Variants in EXOC6B observed in about 807,000 individuals in gnomAD.
EXOC6B encodes the protein SEC15 homolog B.
EXOC6B carries 54 observed loss-of-function variants against 113.5 expected under a neutral mutation model. The observed-to-expected ratio is 0.48, with a 90% CI of 0.38 to 0.60. EXOC6B has a LOEUF of 0.60. EXOC6B is among the 20% of genes least tolerant of loss of function. EXOC6B has a pLI of 0.00. For missense variants in EXOC6B, 797 were observed against 977.5 expected (o/e 0.82, Z 2.46); for synonymous variants, 357 against 339.0 (o/e 1.05, Z -0.58).
chr2:72,216,831 C>G (rs1390241571), intron 20 of EXOC6B, among the ~76,000 whole-genome samples: 1 of 152,026 alleles, frequency 6.6e-6, no homozygotes, highest in Non-Finnish European at 1.5e-5. Context: ...TGTTCTCATT[C>G]ATAAGTGGGA....
At chr2:72,624,591 A>T (rs1671937682) in intron 6 of EXOC6B, among the ~76,000 whole-genome samples, 1 of 152,138 alleles carries the variant, frequency 6.6e-6, no homozygotes, top group Non-Finnish European at 1.5e-5. Context: ...AAGAATTTTT[A>T]AAAATTTAGC....
chr2:72,501,360 A>C (rs1700312077), intron 11 of EXOC6B, among the ~76,000 whole-genome samples: 1 of 152,060 alleles, frequency 6.6e-6, no homozygotes, highest in South Asian at 2.1e-4. Flanking sequence ...AATGTGACAC[A>C]CTAACTCCCC....
intron 20 of EXOC6B, among the ~76,000 whole-genome samples, chr2:72,261,260 T>C (rs1157108151): frequency 6.6e-6 from 1 of 152,158 alleles, no homozygotes; most frequent in Non-Finnish European, 1.5e-5. Context: ...AAGAACATGG[T>C]TGGAGCACCC....
intron 1 of EXOC6B, among the ~76,000 whole-genome samples, chr2:72,750,353 T>A (rs1202053909): frequency 6.6e-6 from 1 of 152,056 alleles, no homozygotes; most frequent in African/African-American, 2.4e-5. Context: ...TTGGATACAC[T>A]GTGAAAAACA....
chr2:72,820,667 A>T (rs1686531345), intron 1 of EXOC6B, among the ~76,000 whole-genome samples: 1 of 152,168 alleles, frequency 6.6e-6, no homozygotes, highest in African/African-American at 2.4e-5. Context: ...CATTTCTGCC[A>T]CAAATAAGGA....
intron 6 of EXOC6B, among the ~76,000 whole-genome samples, chr2:72,613,028 T>A (rs1258366349): frequency 1.3e-5 from 2 of 152,164 alleles, no homozygotes; most frequent in East Asian, 3.8e-4. Flanking sequence ...GAGAGAGGAA[T>A]CATTGCATCA....
At chr2:72,533,044 GAAGGTCTCCCTTAAGAGGGT>G (rs888130344) in intron 8 of EXOC6B, among the ~76,000 whole-genome samples, 1 of 152,112 alleles carries the variant, frequency 6.6e-6, no homozygotes, top group African/African-American at 2.4e-5. Flanking sequence ...TCAAATATCT[GAAGGTCTCCCTTAAGAGGGT>G]ACTAAAGCAA....
At chr2:72,319,473 G>A (rs577961065) in intron 20 of EXOC6B, among the ~76,000 whole-genome samples, 3 of 152,222 alleles carry the variant, frequency 2.0e-5, no homozygotes, top group African/African-American at 7.2e-5. Flanking sequence ...CACAGATGCT[G>A]TAATTGTCCA....
chr2:72,603,140 G>A (rs1378041258), intron 6 of EXOC6B, among the ~76,000 whole-genome samples: 1 of 151,082 alleles, frequency 6.6e-6, no homozygotes, highest in East Asian at 1.9e-4. Flanking sequence ...AATATCAATG[G>A]CCTTTTAAGC....
chr2:72,196,301 A>T (rs992714885), intron 20 of EXOC6B, among the ~76,000 whole-genome samples: 12 of 152,206 alleles, frequency 7.9e-5, no homozygotes, highest in Non-Finnish European at 1.5e-4. Context: ...TATGATAGGC[A>T]GAAGAAAAAA....
At chr2:72,316,649 A>C (rs1687530585) in intron 20 of EXOC6B, among the ~76,000 whole-genome samples, 1 of 152,226 alleles carries the variant, frequency 6.6e-6, no homozygotes, top group African/African-American at 2.4e-5. Context: ...TTCAGCAAGC[A>C]ATTATGAAAT....
chr2:72,252,292 C>CGT lies in EXOC6B; in HGVS notation c.2197-68107_2197-68106dup, dbSNP rs55983315. On this transcript the variant is annotated intron_variant, in intron 20 of 21. Coordinates refer to ENST00000272427, the MANE Select transcript of EXOC6B (RefSeq NM_015189.3). ...ATTGCCTATGTAAACATTCTTCACA[C>CGT]GTGTGTGTGTGTGTGTTTGGGGGCT... Among the ~76,000 whole-genome samples, 125 of 151,410 alleles carry CGT rather than the reference C, an allele frequency of 8.3e-4. 1 individual carries two copies. Among genetic ancestry groups the CGT allele is most frequent in the Middle Eastern group, 3.4e-3 (1 of 292 alleles).
At chr2:72,516,748 C>T (rs1407801139) in intron 8 of EXOC6B, among the ~76,000 whole-genome samples, 1 of 152,150 alleles carries the variant, frequency 6.6e-6, no homozygotes, top group Non-Finnish European at 1.5e-5. Context: ...TTAACTTTCA[C>T]TAATAAGTGT....
At chr2:72,484,355 A>T (rs1448702127) in intron 16 of EXOC6B, among the ~76,000 whole-genome samples, 1 of 151,138 alleles carries the variant, frequency 6.6e-6, no homozygotes, top group Admixed American at 6.6e-5. Flanking sequence ...TCAGGAGATC[A>T]AGACCATCCT....
intron 8 of EXOC6B, among the ~76,000 whole-genome samples, chr2:72,528,952 T>C (rs1041044717): frequency 6.6e-6 from 1 of 152,120 alleles, no homozygotes; most frequent in Admixed American, 6.6e-5. Flanking sequence ...ACTGGATTCT[T>C]GAGGATTTTC....
At chr2:72,748,408 G>A (rs1347093330) in intron 1 of EXOC6B, among the ~76,000 whole-genome samples, 4 of 152,014 alleles carry the variant, frequency 2.6e-5, no homozygotes, top group Admixed American at 2.6e-4. Flanking sequence ...GTCAAAAGGA[G>A]TTTAAAGTCC....
chr2:72,369,371 G>C lies in EXOC6B; in HGVS notation c.2122+10358C>G, dbSNP rs374562072. The stretch of plus-strand genomic sequence containing the variant: ...TCAACGAAATAAAAGAGGATACAAA[G>C]AAATGGAAGAACATTTCGTGCTCAT... On this transcript the variant is annotated intron_variant, in intron 19 of 21. Coordinates refer to ENST00000272427, the MANE Select transcript of EXOC6B (RefSeq NM_015189.3). Among the ~76,000 whole-genome samples the C allele has an allele frequency of 1.6e-4, 24 of 152,240 alleles. 1 individual carries two copies. The highest frequency in any genetic ancestry group is 5.3e-4 in the African/African-American group (22 of 41,536).
intron 10 of EXOC6B, 57 bp from the exon 11 acceptor site, chr2:72,513,309 C>A: frequency 8.8e-6 from 14 of 1,597,874 alleles, no homozygotes; most frequent in Non-Finnish European, 1.2e-5. Flanking sequence ...TTATTACTCT[C>A]TCTGGGGTTT....
At chr2:72,780,008 T>C (rs1683931137) in intron 1 of EXOC6B, among the ~76,000 whole-genome samples, 1 of 152,194 alleles carries the variant, frequency 6.6e-6, no homozygotes, top group African/African-American at 2.4e-5. Context: ...TAATACCAAC[T>C]TCACCCTATG....
Sources: gnomAD v4.1 joint callset for allele counts (sites outside exome capture counted in the v4.1 genomes callset) on GRCh38, gnomAD v4.1.1 for gene constraint, MANE v1.5 for transcripts, NCBI Gene and HGNC (gene_info 2026-07-23, HGNC 2026-07-21) for gene names.